Variants in PUDP observed in about 807,000 individuals in gnomAD.
The protein encoded by PUDP is pseudouridine-5'-phosphatase.
Under a neutral mutation model 9.4 loss-of-function variants are expected in PUDP, and 8 were observed. The observed-to-expected ratio is 0.85, with a 90% confidence interval of 0.50 to 1.53. The LOEUF (loss-of-function observed/expected upper bound fraction) is 1.53, where lower values mean the gene tolerates loss of function less well. Ranked by LOEUF, PUDP falls within the 40% of genes most tolerant of loss-of-function variation. The probability of loss-of-function intolerance (pLI) is 0.00; values close to 1 mark genes in which losing one functional copy is unlikely to be tolerated. For synonymous variants in PUDP, 99 were observed against 80.7 expected (o/e 1.23, Z -1.22); for missense variants, 188 against 189.7 (o/e 0.99, Z 0.05).
chrX:7,120,847 G>T (rs533121309), intron 1 of PUDP, among the ~76,000 whole-genome samples: 61 of 112,346 alleles, frequency 5.4e-4, no homozygotes, highest in African/African-American at 1.8e-3. Context: ...ACAATGACAT[G>T]AGTTCCCAAA....
chrX:6,822,690 GTTT>G lies in PUDP; in HGVS notation c.*248-116227_*248-116225del, dbSNP rs113740633. Among the ~76,000 whole-genome samples, 238 of 91,100 alleles carry G rather than the reference GTTT, an allele frequency of 2.6e-3. 1 individual carries two copies. The highest frequency in any genetic ancestry group is 0.018 in the Middle Eastern group (3 of 171). 79.1% of individuals were successfully genotyped at this position (91,100 alleles called of 115,157 possible). A position where few individuals can be genotyped will look rare whatever the true frequency, so the allele number is the denominator to read the frequency against. On this transcript the variant is annotated intron_variant and NMD_transcript_variant, in intron 3 of 3. Transcript: ENST00000655425. Reference sequence around the variant, plus strand: ...TCCACCCGCCTCGGCCTCCCAAAGTGTTTTTTTTTTTTTTTTTAACTTTTATTT... The same window carrying G: ...TCCACCCGCCTCGGCCTCCCAAAGTGTTTTTTTTTTTTTTAACTTTTATTT...
At chrX:7,022,276 G>A (rs1278690292) in intron 1 of PUDP, among the ~76,000 whole-genome samples, 1 of 111,836 alleles carries the variant, frequency 8.9e-6, no homozygotes, top group Non-Finnish European at 1.9e-5. Flanking sequence ...AGATGTCCGA[G>A]CTTACCAATA....
At chrX:6,815,440 T>C (rs1382995512) in intron 3 of PUDP, among the ~76,000 whole-genome samples, 1 of 112,503 alleles carries the variant, frequency 8.9e-6, no homozygotes, top group African/African-American at 3.2e-5. Context: ...AAAGGTTATT[T>C]AGACTGTTGC....
chrX:6,869,326 G>A (rs895091216), intron 3 of PUDP, among the ~76,000 whole-genome samples: 3 of 111,871 alleles, frequency 2.7e-5, no homozygotes, highest in Admixed American at 1.9e-4. Flanking sequence ...TGATGTCTAC[G>A]GCCTCAATGA....
intron 3 of PUDP, among the ~76,000 whole-genome samples, chrX:6,926,644 C>T (rs1330772209): frequency 8.9e-6 from 1 of 112,096 alleles, no homozygotes; most frequent in African/African-American, 3.2e-5. Context: ...TCTGTCCTTC[C>T]TTAACTGCTC....
At chrX:6,844,590 T>A (rs756525394) in intron 3 of PUDP, among the ~76,000 whole-genome samples, 1 of 112,641 alleles carries the variant, frequency 8.9e-6, no homozygotes, top group Non-Finnish European at 1.9e-5. Context: ...AGTATTCTGA[T>A]GCCAAATTGT....
chrX:6,780,419 TTAGA>T (rs1925541345), intron 3 of PUDP, among the ~76,000 whole-genome samples: 1 of 110,879 alleles, frequency 9.0e-6, no homozygotes, highest in Admixed American at 9.7e-5. Flanking sequence ...ACACATATAT[TTAGA>T]TATAGATATA....
At chrX:7,056,431 A>G (rs900430040) in intron 3 of PUDP, among the ~76,000 whole-genome samples, 1 of 112,047 alleles carries the variant, frequency 8.9e-6, no homozygotes, top group Admixed American at 9.4e-5. Context: ...TTCACCCCAC[A>G]TATCATCTCT....
chrX:7,004,994 C>T (rs750170887), intron 1 of PUDP, among the ~76,000 whole-genome samples: 10 of 112,036 alleles, frequency 8.9e-5, no homozygotes, highest in African/African-American at 2.3e-4. Flanking sequence ...TCAAATTATT[C>T]GACTCGAATG....
intron 3 of PUDP, among the ~76,000 whole-genome samples, chrX:6,878,522 A>G (rs1927299158): frequency 9.0e-6 from 1 of 110,889 alleles, no homozygotes; most frequent in African/African-American, 3.3e-5. Flanking sequence ...TGCCTGGCTA[A>G]TTTTTGAAAA....
chrX:6,880,897 T>C (rs1191938815), intron 3 of PUDP, among the ~76,000 whole-genome samples: 6 of 112,590 alleles, frequency 5.3e-5, no homozygotes, highest in African/African-American at 1.9e-4. Context: ...CAGACACTGG[T>C]GAAGTTTTGT....
chrX:6,796,981 G>A lies in PUDP; in HGVS notation c.*248-90515C>T, dbSNP rs190797819. ...CTGATGCGTCTGACAGAAACAATTT[G>A]AAGTCTACTGGTTTAGAGAAATAAT... is the stretch of plus-strand genomic sequence containing the variant. On this transcript the variant is annotated intron_variant and NMD_transcript_variant, in intron 3 of 3. Coordinates refer to the PUDP transcript ENST00000655425. Among the ~76,000 whole-genome samples, 63 of 111,986 alleles carry A rather than the reference G, an allele frequency of 5.6e-4. 1 individual carries two copies. Among genetic ancestry groups the A allele is most frequent in the Admixed American group, 4.1e-3 (43 of 10,499 alleles).
intron 3 of PUDP, among the ~76,000 whole-genome samples, chrX:6,823,600 A>G (rs765094730): frequency 1.1e-4 from 12 of 112,714 alleles, no homozygotes; most frequent in South Asian, 3.7e-4. Context: ...CTCACACAAG[A>G]AAGAATTCAG....
chrX:7,002,291 G>C (rs1351931385), intron 1 of PUDP, among the ~76,000 whole-genome samples: 1 of 112,008 alleles, frequency 8.9e-6, no homozygotes, highest in Non-Finnish European at 1.9e-5. Flanking sequence ...AGAAATATCA[G>C]CTGAGGTGCC....
intron 3 of PUDP, among the ~76,000 whole-genome samples, chrX:6,868,187 T>C (rs1333647197): frequency 9.0e-6 from 1 of 111,608 alleles, no homozygotes; most frequent in Non-Finnish European, 1.9e-5. Context: ...AACAAGCACA[T>C]TAGTGTACTA....
At chrX:6,998,502 A>C (rs1196950979) in intron 1 of PUDP, among the ~76,000 whole-genome samples, 3 of 110,592 alleles carry the variant, frequency 2.7e-5, no homozygotes, top group African/African-American at 6.6e-5. Context: ...TGTCAGGGCA[A>C]TATGAGACTT....
At chrX:6,753,325 G>T (rs898805072) in intron 3 of PUDP, among the ~76,000 whole-genome samples, 1 of 112,633 alleles carries the variant, frequency 8.9e-6, no homozygotes, top group Non-Finnish European at 1.9e-5. Flanking sequence ...TGGCTGAGTA[G>T]TATTCCATCA....
chrX:6,737,069 GA>G (rs1309956342), intron 3 of PUDP, among the ~76,000 whole-genome samples: 1 of 110,944 alleles, frequency 9.0e-6, no homozygotes, highest in Non-Finnish European at 1.9e-5. Context: ...ACAATGTAGA[GA>G]AAAAAGATCT....
chrX:7,062,462 G>A (rs1027663895), intron 3 of PUDP, among the ~76,000 whole-genome samples: 37 of 112,011 alleles, frequency 3.3e-4, no homozygotes, highest in African/African-American at 1.2e-3. Context: ...TGTAGCCACT[G>A]GGAAATGGAA....
Sources: allele counts gnomAD v4.1 joint callset (sites outside exome capture counted in the v4.1 genomes callset), GRCh38; gene constraint gnomAD v4.1.1; transcripts MANE v1.5; gene names NCBI Gene and HGNC (gene_info 2026-07-23, HGNC 2026-07-21).